Variants in KCNMA1 observed in about 807,000 individuals in gnomAD.
KCNMA1 encodes Calcium-activated potassium channel subunit alpha-1.
A neutral mutation model predicts 140.0 loss-of-function variants in KCNMA1; 29 were observed. The observed-to-expected ratio is 0.21, with a 90% CI of 0.15 to 0.28. KCNMA1 has a LOEUF of 0.28. Among genes scored for constraint, KCNMA1 ranks in the 10% least tolerant of loss-of-function variants. KCNMA1 has a pLI of 1.00. For missense variants in KCNMA1, 880 were observed against 1,602.2 expected, an observed-to-expected ratio of 0.55 and a Z score of 7.70; for synonymous variants, 612 against 611.9, an observed-to-expected ratio of 1.00 and a Z score of 0.00.
At chr10:77,155,009 C>T (rs1016886763) in intron 5 of KCNMA1, among the ~76,000 whole-genome samples, 1 of 152,074 alleles carries the variant, frequency 6.6e-6, no homozygotes, top group Non-Finnish European at 1.5e-5. Context: ...GGGGCAAGTG[C>T]CATCCAAAGG....
At chr10:77,590,782 TATTTAAATTTCTAAA>T (rs1272431034) in intron 1 of KCNMA1, among the ~76,000 whole-genome samples, 1 of 65,890 alleles carries the variant, frequency 1.5e-5, no homozygotes, top group Non-Finnish European at 5.5e-5. Context: ...AGTCTAAATT[TATTTAAATTTCTAAA>T]GGTTTTCTCC....
chr10:77,473,177 G>T (rs918364064), intron 1 of KCNMA1, among the ~76,000 whole-genome samples: 1 of 152,142 alleles, frequency 6.6e-6, no homozygotes, highest in Non-Finnish European at 1.5e-5. Context: ...TTTAGATGAA[G>T]TCTGTTTTCA....
intron 23 of KCNMA1, among the ~76,000 whole-genome samples, chr10:76,918,569 A>C (rs2053933959): frequency 6.6e-6 from 1 of 152,190 alleles, no homozygotes; most frequent in South Asian, 2.1e-4. Flanking sequence ...GAACGGCCAT[A>C]ATCAAAATAT....
At chr10:77,397,088 G>C (rs1000435746) in intron 2 of KCNMA1, among the ~76,000 whole-genome samples, 1 of 152,170 alleles carries the variant, frequency 6.6e-6, no homozygotes, top group Admixed American at 6.5e-5. Context: ...ACATGGAAAT[G>C]AATATGAACA....
At chr10:77,529,901 A>C (rs2057152152) in intron 1 of KCNMA1, among the ~76,000 whole-genome samples, 1 of 152,104 alleles carries the variant, frequency 6.6e-6, no homozygotes, top group African/African-American at 2.4e-5. Flanking sequence ...AAGGGAGCCA[A>C]GTACTAGGCT....
intron 1 of KCNMA1, among the ~76,000 whole-genome samples, chr10:77,409,075 C>CTT (rs2096561704): frequency 6.6e-6 from 1 of 152,186 alleles, no homozygotes; most frequent in South Asian, 2.1e-4. Context: ...ACCCTCACCC[C>CTT]TTTCTATGCC....
intron 2 of KCNMA1, among the ~76,000 whole-genome samples, chr10:77,255,357 T>C (rs546888160): frequency 6.6e-6 from 1 of 152,224 alleles, no homozygotes; most frequent in Non-Finnish European, 1.5e-5. Context: ...CCCAGCACTT[T>C]GGGAGGCCAT....
chr10:76,949,091 T>C, intron 22 of KCNMA1, 51 bp downstream of exon 22: 1 of 1,379,828 alleles, frequency 7.2e-7, no homozygotes, highest in East Asian at 2.3e-5. Flanking sequence ...CGGGATTTTC[T>C]TTTGTGAATG....
At chr10:77,285,558 G>T (rs775468195) in intron 2 of KCNMA1, among the ~76,000 whole-genome samples, 3 of 152,170 alleles carry the variant, frequency 2.0e-5, no homozygotes, top group Non-Finnish European at 4.4e-5. Context: ...ATTAAGTTTA[G>T]GATGGTGTTT....
chr10:76,969,879 A>G, intron 20 of KCNMA1, 95 bp downstream of exon 20: 1 of 932,294 alleles, frequency 1.1e-6, no homozygotes, highest in Non-Finnish European at 1.8e-6. Flanking sequence ...CTTGCTGGGG[A>G]GGGGAGACTC....
chr10:77,407,140 G>C (rs1181259302), intron 1 of KCNMA1, among the ~76,000 whole-genome samples: 5 of 152,190 alleles, frequency 3.3e-5, no homozygotes, highest in Non-Finnish European at 7.3e-5. Context: ...GTTATTATTT[G>C]CTTACACTAG....
intron 23 of KCNMA1, chr10:76,930,188 C>G (rs2152680652): frequency 6.6e-6 from 1 of 152,246 alleles, no homozygotes; most frequent in South Asian, 2.1e-4. Context: ...AGTGAGAAGC[C>G]AATCTACTGA....
In KCNMA1 at chr10:77,051,511, C is replaced by T. The variant is rs377554262; in HGVS notation, c.1750-11874G>A. On this transcript the variant is annotated intron_variant, in intron 14 of 27. Transcript: ENST00000286628. ...GAATATTTTCACAGGAAGTTAGAAG[C>T]GATTTCAGAAATTCCCCTCTGCAGT... Among the ~76,000 whole-genome samples the T allele has an allele frequency of 8.9e-4, 136 of 152,256 alleles. 1 individual carries two copies. Among genetic ancestry groups the T allele is most frequent in the African/African-American group, 3.2e-3 (132 of 41,550 alleles).
At chr10:77,033,008 T>C (rs1200857366) in intron 15 of KCNMA1, among the ~76,000 whole-genome samples, 8 of 152,122 alleles carry the variant, frequency 5.3e-5, no homozygotes, top group African/African-American at 1.9e-4. Context: ...ACAAGTCAGG[T>C]GAGGGAGGAT....
chr10:77,345,544 T>G (rs1239128606), intron 2 of KCNMA1, among the ~76,000 whole-genome samples: 1 of 152,202 alleles, frequency 6.6e-6, no homozygotes, highest in East Asian at 1.9e-4. Context: ...TTCATACCTG[T>G]GTCTGCCCAT....
chr10:77,530,909 T>C (rs1217089410), intron 1 of KCNMA1, among the ~76,000 whole-genome samples: 2 of 152,208 alleles, frequency 1.3e-5, no homozygotes, highest in African/African-American at 4.8e-5. Flanking sequence ...ACTAGTTCTA[T>C]TTTTCCACAA....
At chr10:77,239,541 T>C (rs1281072491) in intron 3 of KCNMA1, among the ~76,000 whole-genome samples, 2 of 152,206 alleles carry the variant, frequency 1.3e-5, no homozygotes, top group Non-Finnish European at 2.9e-5. Flanking sequence ...ACCTACTATT[T>C]CTTCCTGAGA....
chr10:77,344,375 G>A (rs1432148645), intron 2 of KCNMA1, among the ~76,000 whole-genome samples: 2 of 152,156 alleles, frequency 1.3e-5, no homozygotes, highest in African/African-American at 4.8e-5. Flanking sequence ...AGGAAGCAAG[G>A]TGAAAAGGAG....
Position 76,885,796 on chromosome 10 carries a change from G to A in KCNMA1, c.*1470C>T, listed in dbSNP as rs1328144170. 2 of 984,682 alleles carry A rather than the reference G, an allele frequency of 2.0e-6. No homozygotes were observed. Among genetic ancestry groups the A allele is most frequent in the African/African-American group, 1.7e-5 (1 of 57,154 alleles). 61.0% of individuals were successfully genotyped at this position (984,682 alleles called of 1,614,324 possible). On this transcript the variant is annotated 3_prime_UTR_variant, in exon 28 of 28. Coordinates refer to ENST00000286628, the MANE Select transcript of KCNMA1 (RefSeq NM_001161352.2). ...ATCTGACAACTATATGTTGAAAAAA[G>A]GGTATTTTTCTACCTCTCCTCTCAT...
Sources: gnomAD v4.1 joint callset for allele counts (sites outside exome capture counted in the v4.1 genomes callset) on GRCh38, gnomAD v4.1.1 for gene constraint, MANE v1.5 for transcripts, NCBI Gene and HGNC (gene_info 2026-07-23, HGNC 2026-07-21) for gene names.